Variants in KCNAB2 observed in about 807,000 individuals in gnomAD.
KCNAB2 encodes voltage-gated potassium channel subunit beta-2.
In KCNAB2, 29 loss-of-function variants were observed where a neutral mutation model predicts 63.6. The ratio of observed to expected loss-of-function variants is 0.46; its 90% CI spans 0.34 to 0.62. The LOEUF is 0.62. Among genes scored for constraint, KCNAB2 ranks in the 20% least tolerant of loss-of-function variants. The pLI is 0.01. For synonymous variants in KCNAB2, 222 were observed against 224.2 expected (o/e 0.99, Z 0.09); for missense variants, 359 against 563.9 (o/e 0.64, Z 3.68).
chr1:6,008,290 G>A (rs1418469269), intron 1 of KCNAB2, among the ~76,000 whole-genome samples: 1 of 152,108 alleles, frequency 6.6e-6, no homozygotes, highest in Non-Finnish European at 1.5e-5. Context: ...CCAGCATCCA[G>A]GACAGGCTTC....
intron 2 of KCNAB2, among the ~76,000 whole-genome samples, chr1:6,052,249 C>T (rs1661455100): frequency 1.3e-5 from 2 of 152,022 alleles, no homozygotes; most frequent in Non-Finnish European, 2.9e-5. Flanking sequence ...TGGCAAAACC[C>T]CATCTCTACC....
In KCNAB2 at chr1:5,994,778, A is replaced by G. The variant is rs1656850523; in HGVS notation, c.-53+1990A>G. ...GAGAGCTGGAAAGGCCGAGGGTGCC[A>G]TGGGCTGGCCAGCTAGAGAAGGCTT... is the stretch of plus-strand genomic sequence containing the variant. On this transcript the variant is annotated intron_variant, in intron 1 of 16. Coordinates refer to the KCNAB2 transcript ENST00000341524. The surrounding 1 kb of genome is among the most constrained non-coding windows in gnomAD (Gnocchi z 5.4). Among the ~76,000 whole-genome samples, 1 of 152,184 alleles carries G rather than the reference A, an allele frequency of 6.6e-6. No individual in the cohort carries two copies. The highest frequency in any genetic ancestry group is 2.4e-5 in the African/African-American group (1 of 41,446).
Position 6,100,231 on chromosome 1 carries a change from G to T in KCNAB2, c.*1657G>T. ...GAGAGGCTGGGGCGAGGGGAGGAGG[G>T]GGATCAGCTTCTGCTATTACCGACC... On this transcript the variant is annotated 3_prime_UTR_variant, in exon 16 of 16. Transcript: ENST00000378083. The T allele has an allele frequency of 1.3e-6, 1 of 780,310 alleles. No individual in the cohort carries two copies. The highest frequency in any genetic ancestry group is 1.9e-6 in the Non-Finnish European group (1 of 536,044). The allele number at this position is 780,310 out of a possible 1,614,324, so 48.3% of individuals were successfully genotyped here.
Position 6,028,786 on chromosome 1 carries a change from C to T in KCNAB2, c.-52-11731C>T, listed in dbSNP as rs942404860. On this transcript the variant is annotated intron_variant, in intron 1 of 16. Coordinates refer to the KCNAB2 transcript ENST00000341524. This position sits in a 1 kb window ranked among gnomAD's most constrained non-coding sequence, Gnocchi z 4.0. Reference sequence around the variant, plus strand: ...GCCTCCTGGTGGCCACTGTCCCCATCGTATTAGAGTTGGCCTTTTGAAAGC... The same window carrying T: ...GCCTCCTGGTGGCCACTGTCCCCATTGTATTAGAGTTGGCCTTTTGAAAGC... Among the ~76,000 whole-genome samples the T allele has an allele frequency of 6.6e-6, 1 of 152,188 alleles. No homozygotes were observed. Among genetic ancestry groups the T allele is most frequent in the Non-Finnish European group, 1.5e-5 (1 of 68,022 alleles).
Position 6,064,080 on chromosome 1 carries a change from C to T in KCNAB2, c.219-8675C>T, listed in dbSNP as rs552788752. Among the ~76,000 whole-genome samples the T allele has an allele frequency of 7.9e-5, 12 of 152,256 alleles. No individual in the cohort carries two copies. In the South Asian group the frequency reaches 1.9e-3, roughly 24 times the overall value. The stretch of plus-strand genomic sequence containing the variant: ...CGATGTTGCCAGCCTTTGTGGGATC[C>T]GACGGTTTACCAGAGTGCAGAGAAT... On this transcript the variant is annotated intron_variant, in intron 2 of 15. Coordinates refer to ENST00000378083, the MANE Select transcript of KCNAB2 (RefSeq NM_001199862.2).
chr1:6,088,333 G>C (rs902509636), intron 7 of KCNAB2, among the ~76,000 whole-genome samples: 12 of 151,490 alleles, frequency 7.9e-5, no homozygotes, highest in African/African-American at 2.9e-4. Flanking sequence ...CTGGGTTCAA[G>C]TGACCTTCCT....
intron 5 of KCNAB2, among the ~76,000 whole-genome samples, chr1:6,082,733 T>C (rs1303397222): frequency 1.3e-5 from 2 of 152,220 alleles, no homozygotes; most frequent in African/African-American, 2.4e-5. Flanking sequence ...AGCTCAGCCT[T>C]CTTCAGCCAG....
intron 4 of KCNAB2, among the ~76,000 whole-genome samples, chr1:6,081,854 A>G (rs1323245593): frequency 6.6e-6 from 1 of 152,256 alleles, no homozygotes; most frequent in Non-Finnish European, 1.5e-5. Context: ...GCTTCTAAGT[A>G]GACATGAATT....
intron 2 of KCNAB2, 146 bp from the exon 3 acceptor site, chr1:6,072,609 T>C: frequency 2.4e-6 from 2 of 841,668 alleles, no homozygotes; most frequent in Non-Finnish European, 3.9e-6. Flanking sequence ...GAGGCACCTC[T>C]CTGAAGGTCC....
Position 6,001,401 on chromosome 1 carries a change from G to A in KCNAB2, c.-53+8613G>A, listed in dbSNP as rs117903798. ...CTCATTCTCTGCCTCACCCAGGGCCGGAAGGTTCTGGCTAAGCCTCCGGGG... is the reference window on the plus strand; with the variant it reads ...CTCATTCTCTGCCTCACCCAGGGCCAGAAGGTTCTGGCTAAGCCTCCGGGG... On this transcript the variant is annotated intron_variant, in intron 1 of 16. Transcript: ENST00000341524. Among the ~76,000 whole-genome samples, 190 of 152,194 alleles carry A rather than the reference G, an allele frequency of 1.2e-3. 4 individuals are homozygous for A. In the East Asian group the frequency reaches 0.028, roughly 23 times the overall value.
chr1:6,050,954 C>T (rs1295432654), intron 1 of KCNAB2, among the ~76,000 whole-genome samples: 2 of 152,252 alleles, frequency 1.3e-5, no homozygotes, highest in African/African-American at 2.4e-5. Context: ...GCAAATAGGA[C>T]CTTCCCATGT....
chr1:6,030,270 G>A (rs1280616714), upstream of KCNAB2, among the ~76,000 whole-genome samples: 2 of 152,294 alleles, frequency 1.3e-5, no homozygotes, highest in African/African-American at 4.8e-5. Context: ...GGGTTGCCTG[G>A]TCCAGGTGGG....
At chr1:6,097,248 C>T (rs757670726) in intron 14 of KCNAB2, 21 bp from the exon 15 acceptor site, 58 of 1,528,364 alleles carry the variant, frequency 3.8e-5, no homozygotes, top group Non-Finnish European at 4.7e-5. Context: ...TTCTCCCTCA[C>T]CTTGGGTCTC....
intron 1 of KCNAB2, among the ~76,000 whole-genome samples, chr1:5,997,204 G>A (rs1302531900): frequency 2.6e-5 from 4 of 152,150 alleles, no homozygotes; most frequent in East Asian, 3.9e-4. Context: ...GCAGCCCAAC[G>A]GAGCCCCCAG....
intron 1 of KCNAB2, among the ~76,000 whole-genome samples, chr1:5,995,401 G>A (rs892082506): frequency 1.3e-5 from 2 of 152,358 alleles, no homozygotes; most frequent in East Asian, 1.9e-4. Context: ...TTGGCTGTCC[G>A]AGCTGGGGGA....
At chr1:6,011,769 C>T (rs900728624) in intron 1 of KCNAB2, among the ~76,000 whole-genome samples, 3 of 151,528 alleles carry the variant, frequency 2.0e-5, no homozygotes, top group Admixed American at 6.6e-5. Flanking sequence ...CAGGGATATC[C>T]GCGTGGATGG....
At chr1:6,006,704 C>T (rs144324271) in intron 1 of KCNAB2, among the ~76,000 whole-genome samples, 2 of 68,734 alleles carry the variant, frequency 2.9e-5, no homozygotes, top group African/African-American at 1.0e-4. Flanking sequence ...ACATCCCCCA[C>T]TTCACCCTCA....
At chr1:6,025,259 G>T (rs1389356382) in intron 1 of KCNAB2, among the ~76,000 whole-genome samples, 1 of 152,146 alleles carries the variant, frequency 6.6e-6, no homozygotes, top group East Asian at 1.9e-4. Flanking sequence ...AGGAGAGGGG[G>T]TGCCAGCCTC....
chr1:6,010,902 C>G (rs1295084), intron 1 of KCNAB2, among the ~76,000 whole-genome samples: 144,932 of 152,326 alleles, frequency 0.95, 69,009 homozygotes, highest in East Asian at 1. Context: ...GGTGCATGGA[C>G]AGTCCTGGCT....
Sources: allele counts gnomAD v4.1 joint callset (sites outside exome capture counted in the v4.1 genomes callset), GRCh38; gene constraint gnomAD v4.1.1; non-coding constraint Gnocchi (gnomAD v3.1); transcripts MANE v1.5; gene names NCBI Gene and HGNC (gene_info 2026-07-23, HGNC 2026-07-21).